Variants in GRAMD4 observed in about 807,000 individuals in gnomAD.
GRAMD4 encodes the protein GRAM domain-containing protein 4.
A neutral mutation model predicts 83.9 loss-of-function variants in GRAMD4; 25 were observed. The observed-to-expected ratio is 0.30, with a 90% confidence interval of 0.22 to 0.42. The LOEUF is 0.42. Among genes scored for constraint, GRAMD4 ranks in the 10% least tolerant of loss-of-function variants. The pLI, the probability that GRAMD4 is intolerant of heterozygous loss-of-function variation, is 1.00. For missense variants in GRAMD4, 593 were observed against 788.7 expected (o/e 0.75, Z 2.97); for synonymous variants, 336 against 320.9 (o/e 1.05, Z -0.50).
intron 8 of GRAMD4, among the ~76,000 whole-genome samples, chr22:46,664,948 A>G (rs2082385980): frequency 6.6e-6 from 1 of 152,220 alleles, no homozygotes; most frequent in Non-Finnish European, 1.5e-5. Flanking sequence ...CACCTGGGAC[A>G]TGGGCACTTT....
Position 46,620,484 on chromosome 22 carries a change from C to T in GRAMD4, c.-131C>T, listed in dbSNP as rs906127427. ...TTGGAGGCTATGGTTCCTGGGTCCT[C>T]GTAGCACATCCTGGTTCTGGGCCAG... On this transcript the variant is annotated 5_prime_UTR_variant, in exon 1 of 19. Coordinates refer to ENST00000406902, the MANE Select transcript of GRAMD4 (RefSeq NM_015124.5). This position sits in a 1 kb window ranked among gnomAD's most constrained non-coding sequence, Gnocchi z 4.7. 1.6e-5 allele frequency: 16 copies of T among 984,174 alleles called. No individual in the cohort carries two copies. The highest frequency in any genetic ancestry group is 2.3e-4 in the East Asian group (2 of 8,738). The allele number at this position is 984,174 out of a possible 1,614,324, so 61.0% of individuals were successfully genotyped here. A position where few individuals can be genotyped will look rare whatever the true frequency, so the allele number is the denominator to read the frequency against.
At position 46,673,721 on chromosome 22, in the gene GRAMD4, G is replaced by T. The variant is rs773291954; in HGVS notation, c.1291G>T (p.Gly431Cys). The part of the protein sequence containing the change: ...SYVPSAPAGL[G>C]KEEDAGRFHS... Reference sequence around the variant, plus strand: ...CGTACCCAGCGCACCGGCCGGCCTGGGTAAAGAGGAGGACGCCGGTCGCTT... The same window carrying T: ...CGTACCCAGCGCACCGGCCGGCCTGTGTAAAGAGGAGGACGCCGGTCGCTT... The change falls in exon 15 of 19, where the codon GGT becomes TGT. Residue 431 changes from glycine to cysteine, a missense_variant. Around this residue, in one of 4 missense-constraint regions of GRAMD4, gnomAD observed 171 missense variants for 199.6 expected, o/e 0.86. Coordinates refer to ENST00000406902, the MANE Select transcript of GRAMD4 (RefSeq NM_015124.5). The T allele has an allele frequency of 6.2e-7, 1 of 1,612,870 alleles. No homozygotes were observed.
intron 1 of GRAMD4, among the ~76,000 whole-genome samples, chr22:46,580,990 A>G (rs2081092906): frequency 6.7e-6 from 1 of 149,376 alleles, no homozygotes; most frequent in Non-Finnish European, 1.5e-5. Context: ...AAAAAGAAAG[A>G]AAGAAAAAAG....
chr22:46,682,002 C>T (rs973979281), downstream of GRAMD4, among the ~76,000 whole-genome samples: 21 of 152,214 alleles, frequency 1.4e-4, no homozygotes, highest in Non-Finnish European at 2.8e-4. Flanking sequence ...CCCAAGACCC[C>T]GTCCTGTGTT....
chr22:46,600,640 C>T (rs2081303654), intron 1 of GRAMD4, among the ~76,000 whole-genome samples: 1 of 152,182 alleles, frequency 6.6e-6, no homozygotes, highest in Admixed American at 6.5e-5. Flanking sequence ...GCGTCCTGTA[C>T]ACTCAGGTGC....
rs753446188 is a variant in GRAMD4 at position 46,663,819 on chromosome 22, C to T, written c.600-19C>T. ...GGGTGCATTAACCCTGGGCTCCCAT[C>T]TCTCCCCTTCTCTCTTAGGTTAACT... On this transcript the variant is annotated intron_variant, in intron 6 of 18. Transcript: ENST00000406902. 6 of 1,556,638 alleles carry T rather than the reference C, an allele frequency of 3.9e-6. No homozygotes were observed. Among genetic ancestry groups the T allele is most frequent in the South Asian group, 1.1e-5 (1 of 89,922 alleles).
intron 10 of GRAMD4, among the ~76,000 whole-genome samples, chr22:46,667,264 C>A (rs1044668985): frequency 6.6e-6 from 1 of 152,116 alleles, no homozygotes; most frequent in African/African-American, 2.4e-5. Flanking sequence ...TTCAAGAGCC[C>A]ACCTCTCGGA....
rs1179800184 is a variant in GRAMD4 at position 46,621,080 on chromosome 22, G to A, written c.-50+515G>A. 1.3e-5 allele frequency among the ~76,000 whole-genome samples: 2 copies of A among 152,094 alleles called. No individual in the cohort carries two copies. The highest frequency in any genetic ancestry group is 2.9e-5 in the Non-Finnish European group (2 of 67,992). On this transcript the variant is annotated intron_variant, in intron 1 of 18. Transcript: ENST00000406902. This position sits in a 1 kb window ranked among gnomAD's most constrained non-coding sequence, Gnocchi z 5.8. ...CTGGGCTTCCTCCAGGGACCGTGGA[G>A]GGGGTGGGGATGGGCAGCTAGAAGT... is the stretch of plus-strand genomic sequence containing the variant.
intron 3 of GRAMD4, among the ~76,000 whole-genome samples, chr22:46,643,128 C>CATCT (rs2082003495): frequency 6.8e-6 from 1 of 146,538 alleles, no homozygotes; most frequent in African/African-American, 2.5e-5. Flanking sequence ...TCCATGCATC[C>CATCT]ATCCATGCAT....
At chr22:46,651,258 C>T (rs567085731) in intron 3 of GRAMD4, among the ~76,000 whole-genome samples, 1 of 152,348 alleles carries the variant, frequency 6.6e-6, no homozygotes, top group South Asian at 2.1e-4. Context: ...CCTGGCCTCC[C>T]ACTGGGTTCC....
chr22:46,623,831 G>C (rs1281201361), intron 1 of GRAMD4, among the ~76,000 whole-genome samples: 1 of 146,904 alleles, frequency 6.8e-6, no homozygotes, highest in African/African-American at 2.5e-5. Flanking sequence ...GCCCAGGCTG[G>C]AGTGCAGTGG....
chr22:46,671,645 G>T (rs1402097505), intron 13 of GRAMD4, among the ~76,000 whole-genome samples: 2 of 147,038 alleles, frequency 1.4e-5, no homozygotes, highest in African/African-American at 2.6e-5. Flanking sequence ...GACAGAGCAA[G>T]ACTCCGTCTC....
At position 46,679,434 on chromosome 22, in the gene GRAMD4, CT is replaced by C; in HGVS notation, c.*2184del. ...CTCTGCTGCCAGCACAGGCCCCTCC[CT>C]GGAAGTCCTCGGGAGCGGAGCGCGG... On this transcript the variant is annotated 3_prime_UTR_variant, in exon 19 of 19. Coordinates refer to ENST00000406902, the MANE Select transcript of GRAMD4 (RefSeq NM_015124.5). 1 of 985,500 alleles carries C rather than the reference CT, an allele frequency of 1.0e-6. No individual in the cohort carries two copies. The allele number at this position is 985,500 out of a possible 1,614,324, so 61.0% of individuals were successfully genotyped here.
At chr22:46,661,155 A>T (rs901919560) in intron 4 of GRAMD4, among the ~76,000 whole-genome samples, 1 of 152,126 alleles carries the variant, frequency 6.6e-6, no homozygotes, top group Non-Finnish European at 1.5e-5. Flanking sequence ...GTGGTGAAAG[A>T]TGCTGGTTGT....
At chr22:46,675,402 C>CAT in intron 16 of GRAMD4, 66 bp from the exon 17 acceptor site, 1 of 1,092,136 alleles carries the variant, frequency 9.2e-7, no homozygotes, top group Non-Finnish European at 1.4e-6. Flanking sequence ...CCCGGGAGAC[C>CAT]CCCACCTGGT....
At chr22:46,598,096 C>A (rs1341455093) in intron 1 of GRAMD4, among the ~76,000 whole-genome samples, 1 of 152,156 alleles carries the variant, frequency 6.6e-6, no homozygotes, top group African/African-American at 2.4e-5. Flanking sequence ...ATTCTTATGC[C>A]TCAGCTTCCG....
upstream of GRAMD4, chr22:46,577,012 T>A (rs1453628701): frequency 4.2e-5 from 6 of 143,434 alleles, no homozygotes; most frequent in Admixed American, 4.1e-4. Flanking sequence ...GGGGCCGGGG[T>A]GGCGCGCGGG....
rs1382454377 is a variant in GRAMD4, at chr22:46,594,345, G to A, written c.-50+17055G>A. On this transcript the variant is annotated intron_variant, in intron 1 of 1. Transcript: ENST00000431155. ...CCCCTGTTTTTGTGGAAGGACAGGTGGAAGTGGGCGGGTGGGGTGGGTATG... is the reference window on the plus strand; with the variant it reads ...CCCCTGTTTTTGTGGAAGGACAGGTAGAAGTGGGCGGGTGGGGTGGGTATG... Among the ~76,000 whole-genome samples the A allele has an allele frequency of 3.3e-5, 5 of 150,102 alleles. No homozygotes were observed. The East Asian group carries it at 1.0e-3, about 31-fold the overall frequency.
At chr22:46,586,372 T>A (rs1163968275) in intron 1 of GRAMD4, among the ~76,000 whole-genome samples, 1 of 151,880 alleles carries the variant, frequency 6.6e-6, no homozygotes, top group Admixed American at 6.6e-5. Context: ...TCCGGTGCGA[T>A]GGTCGGAGGC....
Sources: gnomAD v4.1 joint callset for allele counts (sites outside exome capture counted in the v4.1 genomes callset) on GRCh38, gnomAD v4.1.1 for gene constraint, gnomAD v4.1.1 regional missense constraint, Gnocchi (gnomAD v3.1) non-coding constraint, MANE v1.5 for transcripts, NCBI Gene and HGNC (gene_info 2026-07-23, HGNC 2026-07-21) for gene names.